NAV3: variants seen among roughly 807,000 people sequenced by gnomAD.
NAV3 encodes the protein neuron navigator 3.
In NAV3, 87 loss-of-function variants were observed where a neutral mutation model predicts 244.7. That is an observed-to-expected ratio of 0.36 (90% CI 0.30 to 0.42). The LOEUF (loss-of-function observed/expected upper bound fraction) is 0.42. Among genes scored for constraint, NAV3 ranks in the 20% least tolerant of loss-of-function variants. The probability of loss-of-function intolerance (pLI) is 1.00; values close to 1 mark genes in which losing one functional copy is unlikely to be tolerated. For synonymous variants in NAV3, 1,126 were observed against 1,042.2 expected (o/e 1.08, Z -1.55); for missense variants, 2,663 against 2,893.3 (o/e 0.92, Z 1.83).
intron 30 of NAV3, 149 bp downstream of exon 30, chr12:78,181,194 T>C: frequency 1.5e-6 from 1 of 668,016 alleles, no homozygotes; most frequent in Non-Finnish European, 2.4e-6. Flanking sequence ...AAATCTAGTC[T>C]ACTTAGTTAT....
At chr12:77,722,226 T>C (rs947184424) in intron 2 of NAV3, among the ~76,000 whole-genome samples, 4 of 152,118 alleles carry the variant, frequency 2.6e-5, no homozygotes, top group African/African-American at 9.6e-5. Context: ...TCGTGTTTGG[T>C]AGTATTTTCT....
intron 2 of NAV3, among the ~76,000 whole-genome samples, chr12:77,805,697 G>C (rs1439689406): frequency 2.0e-5 from 3 of 152,192 alleles, no homozygotes; most frequent in African/African-American, 7.2e-5. Context: ...AGTTAGGGAG[G>C]AGTCCCTCTT....
chr12:78,063,450 C>T (rs899154864), intron 12 of NAV3, among the ~76,000 whole-genome samples: 1 of 152,080 alleles, frequency 6.6e-6, no homozygotes, highest in African/African-American at 2.4e-5. Flanking sequence ...TATTATTGTT[C>T]TTACTCTAGA....
intron 18 of NAV3, among the ~76,000 whole-genome samples, chr12:78,129,070 C>T (rs1399067771): frequency 6.6e-6 from 1 of 152,148 alleles, no homozygotes; most frequent in Non-Finnish European, 1.5e-5. Flanking sequence ...ATGACAAATG[C>T]TTAACATAGA....
chr12:77,743,128 C>G (rs994009790), intron 2 of NAV3, among the ~76,000 whole-genome samples: 1 of 151,982 alleles, frequency 6.6e-6, no homozygotes, highest in African/African-American at 2.4e-5. Flanking sequence ...TATAAACTTA[C>G]AGTATCAATA....
Position 77,777,667 on chromosome 12 carries a change from A to G in NAV3, c.73-162652A>G, listed in dbSNP as rs1870434448. Among the ~76,000 whole-genome samples, 3 of 152,336 alleles carry G rather than the reference A, an allele frequency of 2.0e-5. No homozygotes were observed. The Middle Eastern group carries it at 0.01, about 518-fold the overall frequency. On this transcript the variant is annotated intron_variant, in intron 2 of 8. Coordinates refer to the NAV3 transcript ENST00000550042. ...GAAACAGTGGATAAGGGGTACTACTATATCGTTAGGATAATAAAGTAGACT... is the reference window on the plus strand; with the variant it reads ...GAAACAGTGGATAAGGGGTACTACTGTATCGTTAGGATAATAAAGTAGACT...
chr12:77,981,621 AT>A (rs1009222730), intron 5 of NAV3, among the ~76,000 whole-genome samples: 38 of 151,738 alleles, frequency 2.5e-4, no homozygotes, highest in African/African-American at 8.2e-4. Flanking sequence ...TTTATTCCCG[AT>A]TTTTTTTCTC....
At chr12:77,923,382 G>GGA (rs1165470452) in intron 1 of NAV3, among the ~76,000 whole-genome samples, 1 of 151,874 alleles carries the variant, frequency 6.6e-6, no homozygotes, top group South Asian at 2.1e-4. Context: ...AGCTAAAATA[G>GGA]GAGAGAGAGA....
At chr12:77,997,237 C>CAAAAAAAAAAAAAAAAAAA (rs139557569) in intron 6 of NAV3, among the ~76,000 whole-genome samples, 1 of 78,732 alleles carries the variant, frequency 1.3e-5, no homozygotes, top group Non-Finnish European at 2.5e-5. Context: ...CACCCTGTCT[C>CAAAAAAAAAAAAAAAAAAA]AAAAAAAAAA....
intron 1 of NAV3, among the ~76,000 whole-genome samples, chr12:77,861,163 G>T (rs1405525368): frequency 6.6e-6 from 1 of 151,742 alleles, no homozygotes; most frequent in Admixed American, 6.6e-5. Flanking sequence ...ATATAGCTCT[G>T]TGGTATTTAC....
chr12:77,938,104 A>G (rs1372452129), intron 1 of NAV3, among the ~76,000 whole-genome samples: 1 of 152,074 alleles, frequency 6.6e-6, no homozygotes, highest in African/African-American at 2.4e-5. Flanking sequence ...TTTTCAACCC[A>G]TGGCCCCAGT....
intron 23 of NAV3, among the ~76,000 whole-genome samples, chr12:78,167,431 G>A (rs1354038130): frequency 6.6e-6 from 1 of 151,352 alleles, no homozygotes; most frequent in Non-Finnish European, 1.5e-5. Context: ...TCTCTATCAG[G>A]AAAATGTCAG....
rs368777455 is a variant in NAV3 at position 78,187,501 on chromosome 12, A to C, written c.5791-747A>C. Among the ~76,000 whole-genome samples, 94 of 152,074 alleles carry C rather than the reference A, an allele frequency of 6.2e-4. 1 individual carries two copies. The Middle Eastern group carries it at 0.024, about 39-fold the overall frequency. Reference sequence around the variant, plus strand: ...TCATAATAGAGGCTCTAGCTAGACTACAAATTTTGAATTATTTACCTTTCT... The same window carrying C: ...TCATAATAGAGGCTCTAGCTAGACTCCAAATTTTGAATTATTTACCTTTCT... On this transcript the variant is annotated intron_variant, in intron 31 of 39. Transcript: ENST00000397909.
chr12:77,875,948 G>T (rs1445020155), intron 1 of NAV3, among the ~76,000 whole-genome samples: 1 of 151,916 alleles, frequency 6.6e-6, no homozygotes, highest in Non-Finnish European at 1.5e-5. Context: ...GTAACTTTGT[G>T]GCTCAGGTCC....
chr12:78,049,644 G>A (rs1882434505), intron 9 of NAV3, among the ~76,000 whole-genome samples: 2 of 151,264 alleles, frequency 1.3e-5, no homozygotes, highest in South Asian at 4.2e-4. Context: ...GACTGGAGCT[G>A]TTCCTATTCA....
intron 2 of NAV3, among the ~76,000 whole-genome samples, chr12:77,775,448 G>C (rs1870307990): frequency 1.3e-5 from 2 of 150,032 alleles, no homozygotes; most frequent in African/African-American, 4.9e-5. Context: ...GCTGTATCTT[G>C]CAAAACTTAA....
chr12:78,059,828 A>C (rs560979922), intron 12 of NAV3, among the ~76,000 whole-genome samples: 3 of 152,328 alleles, frequency 2.0e-5, no homozygotes, highest in African/African-American at 7.2e-5. Context: ...GAAGCTAATG[A>C]TATAAAGATT....
chr12:78,058,272 G>A (rs1883808864), intron 11 of NAV3, among the ~76,000 whole-genome samples: 1 of 152,040 alleles, frequency 6.6e-6, no homozygotes, highest in African/African-American at 2.4e-5. Context: ...ACATGGCTGG[G>A]GAGGCTTCAC....
intron 11 of NAV3, among the ~76,000 whole-genome samples, chr12:78,057,439 C>T (rs1883678220): frequency 6.6e-6 from 1 of 152,146 alleles, no homozygotes; most frequent in Non-Finnish European, 1.5e-5. Context: ...TAACAGTGTG[C>T]AAAAGGTCAG....
Sources: gnomAD v4.1 joint callset for allele counts (sites outside exome capture counted in the v4.1 genomes callset) on GRCh38, gnomAD v4.1.1 for gene constraint, MANE v1.5 for transcripts, NCBI Gene and HGNC (gene_info 2026-07-23, HGNC 2026-07-21) for gene names.